MOXD1: variants seen among roughly 807,000 people sequenced by gnomAD.
MOXD1 encodes the protein monooxygenase DBH like 1, also known as DBH-like monooxygenase protein 1.
A neutral mutation model predicts 66.6 loss-of-function variants in MOXD1; 62 were observed. The ratio of observed to expected loss-of-function variants is 0.93; its 90% CI spans 0.76 to 1.15. MOXD1 has a LOEUF of 1.15. Ranked by LOEUF, MOXD1 falls within the 50% of genes most tolerant of loss-of-function variation. The probability of loss-of-function intolerance (pLI) is 0.00; values close to 1 mark genes in which losing one functional copy is unlikely to be tolerated. For missense variants in MOXD1, 847 were observed against 754.6 expected (o/e 1.12, Z -1.44); for synonymous variants, 303 against 281.9 (o/e 1.07, Z -0.75).
At chr6:132,378,626 C>A (rs1343050446) in intron 1 of MOXD1, among the ~76,000 whole-genome samples, 1 of 152,128 alleles carries the variant, frequency 6.6e-6, no homozygotes, top group Non-Finnish European at 1.5e-5. Context: ...ATTATGCTTA[C>A]CTTGAAGCCA....
At chr6:132,389,649 T>C (rs1776716088) in intron 1 of MOXD1, among the ~76,000 whole-genome samples, 1 of 151,510 alleles carries the variant, frequency 6.6e-6, no homozygotes, top group Admixed American at 6.6e-5. Context: ...ACTTGAAATT[T>C]TGACATAGGA....
At chr6:132,385,729 C>A (rs1421659903) in intron 1 of MOXD1, among the ~76,000 whole-genome samples, 1 of 151,848 alleles carries the variant, frequency 6.6e-6, no homozygotes, top group South Asian at 2.1e-4. Context: ...TGACCTCAAG[C>A]GATCTGCCTG....
intron 1 of MOXD1, among the ~76,000 whole-genome samples, chr6:132,384,184 T>C (rs1776566686): frequency 6.6e-6 from 1 of 151,770 alleles, no homozygotes; most frequent in Admixed American, 6.6e-5. Context: ...TCTCCCTTCC[T>C]CTCTTCCTTC....
intron 8 of MOXD1, among the ~76,000 whole-genome samples, chr6:132,322,461 C>G (rs886353134): frequency 3.3e-5 from 5 of 152,134 alleles, no homozygotes; most frequent in African/African-American, 1.2e-4. Flanking sequence ...CAGTCAACAA[C>G]TTGAATTGCT....
At chr6:132,310,924 T>G (rs1391030566) in intron 10 of MOXD1, among the ~76,000 whole-genome samples, 1 of 152,208 alleles carries the variant, frequency 6.6e-6, no homozygotes, top group Non-Finnish European at 1.5e-5. Context: ...CGTATACCTA[T>G]GTAACAAAGC....
At chr6:132,312,691 A>C (rs912401351) in intron 10 of MOXD1, among the ~76,000 whole-genome samples, 3 of 151,794 alleles carry the variant, frequency 2.0e-5, no homozygotes, top group African/African-American at 7.3e-5. Flanking sequence ...GTCTTTCCAA[A>C]TTATGAAAAC....
intron 4 of MOXD1, among the ~76,000 whole-genome samples, chr6:132,363,623 C>G (rs1174550962): frequency 6.6e-6 from 1 of 152,090 alleles, no homozygotes; most frequent in Non-Finnish European, 1.5e-5. Flanking sequence ...CTCTACTTCA[C>G]CTAATTTGTG....
chr6:132,303,337 A>T (rs1774584101), intron 10 of MOXD1, among the ~76,000 whole-genome samples: 1 of 152,160 alleles, frequency 6.6e-6, no homozygotes, highest in African/African-American at 2.4e-5. Context: ...ATGAACAATG[A>T]ACAAAAATTC....
At chr6:132,393,544 A>G (rs1000735016) in intron 1 of MOXD1, among the ~76,000 whole-genome samples, 22 of 152,244 alleles carry the variant, frequency 1.4e-4, no homozygotes, top group African/African-American at 5.1e-4. Flanking sequence ...GAATTCTACA[A>G]TGCTAGCCAT....
chr6:132,398,651 T>C lies in MOXD1; in HGVS notation c.264+2512A>G, dbSNP rs117263690. On this transcript the variant is annotated intron_variant, in intron 1 of 11. Coordinates refer to ENST00000367963, the MANE Select transcript of MOXD1 (RefSeq NM_015529.4). ...TCAAATATGCTACATTTAAGAATCC[T>C]ATTTATGGCCTGGCGTGGTGGCTCA... Among the ~76,000 whole-genome samples the C allele has an allele frequency of 4.0e-3, 616 of 152,228 alleles. 4 individuals are homozygous for C. The highest frequency in any genetic ancestry group is 6.8e-3 in the Middle Eastern group (2 of 294).
At chr6:132,342,734 T>C (rs1280046112) in intron 4 of MOXD1, among the ~76,000 whole-genome samples, 1 of 152,242 alleles carries the variant, frequency 6.6e-6, no homozygotes, top group African/African-American at 2.4e-5. Context: ...ATACAGTTCA[T>C]ACAGAGTAGA....
chr6:132,365,571 G>A (rs1326713472), intron 4 of MOXD1, among the ~76,000 whole-genome samples: 1 of 152,184 alleles, frequency 6.6e-6, no homozygotes, highest in Non-Finnish European at 1.5e-5. Context: ...GCAAGGTTAA[G>A]TACTTTCTCT....
intron 1 of MOXD1, among the ~76,000 whole-genome samples, chr6:132,388,867 C>G (rs1475515303): frequency 6.6e-6 from 1 of 151,232 alleles, no homozygotes; most frequent in Non-Finnish European, 1.5e-5. Context: ...ATTTTAAACT[C>G]TGTGTGTGCA....
intron 7 of MOXD1, among the ~76,000 whole-genome samples, chr6:132,323,377 G>T (rs77410523): frequency 0.02 from 3,077 of 152,200 alleles, 51 homozygotes; most frequent in African/African-American, 0.046. Context: ...TCACCAGTCT[G>T]CCATACTGTC....
chr6:132,353,002 C>T (rs1775834075), intron 4 of MOXD1, among the ~76,000 whole-genome samples: 1 of 152,160 alleles, frequency 6.6e-6, no homozygotes, highest in African/African-American at 2.4e-5. Context: ...TGCCTTTCTC[C>T]ACCCCTTTAC....
At chr6:132,347,552 C>T (rs1011014824) in intron 4 of MOXD1, among the ~76,000 whole-genome samples, 3 of 151,954 alleles carry the variant, frequency 2.0e-5, no homozygotes, top group Non-Finnish European at 4.4e-5. Flanking sequence ...TGGTGGGTGC[C>T]TGTAATCCCA....
At chr6:132,360,150 G>C (rs1025054503) in intron 4 of MOXD1, among the ~76,000 whole-genome samples, 1 of 152,212 alleles carries the variant, frequency 6.6e-6, no homozygotes, top group East Asian at 1.9e-4. Flanking sequence ...GAATGTTAAT[G>C]TTGAAGTCAG....
chr6:132,323,260 T>C (rs17061185), intron 7 of MOXD1, among the ~76,000 whole-genome samples: 21,605 of 152,162 alleles, frequency 0.14, 2,100 homozygotes, highest in African/African-American at 0.26. Context: ...AGTGGGTCAA[T>C]GGAATTAAAT....
At chr6:132,313,130 A>G (rs1215542876) in intron 10 of MOXD1, among the ~76,000 whole-genome samples, 1 of 152,096 alleles carries the variant, frequency 6.6e-6, no homozygotes, top group Non-Finnish European at 1.5e-5. Context: ...ATATTGGCCT[A>G]TATGTGCATG....
Sources: allele counts gnomAD v4.1 joint callset (sites outside exome capture counted in the v4.1 genomes callset), GRCh38; gene constraint gnomAD v4.1.1; transcripts MANE v1.5; gene names NCBI Gene and HGNC (gene_info 2026-07-23, HGNC 2026-07-21).